Variants in CNBD1 observed in about 807,000 individuals in gnomAD.
The protein encoded by CNBD1 is cyclic nucleotide-binding domain-containing protein 1.
CNBD1 carries 71 observed loss-of-function variants against 54.4 expected under a neutral mutation model. The ratio of observed to expected loss-of-function variants is 1.30; its 90% CI spans 1.08 to 1.59. CNBD1 has a LOEUF of 1.59. Ranked by LOEUF, CNBD1 falls within the 40% of genes most tolerant of loss-of-function variation. The probability of loss-of-function intolerance (pLI) is 0.00; values close to 1 mark genes in which losing one functional copy is unlikely to be tolerated. For synonymous variants in CNBD1, 182 were observed against 170.7 expected (o/e 1.07, Z -0.51); for missense variants, 659 against 518.0 (o/e 1.27, Z -2.64).
chr8:87,169,009 A>G (rs1440836526), intron 4 of CNBD1, among the ~76,000 whole-genome samples: 1 of 151,482 alleles, frequency 6.6e-6, no homozygotes, highest in Admixed American at 6.6e-5. Context: ...TCTCCAAACC[A>G]CTCTCCATAG....
chr8:86,998,762 A>G (rs1235565350), intron 4 of CNBD1, among the ~76,000 whole-genome samples: 1 of 152,166 alleles, frequency 6.6e-6, no homozygotes, highest in Non-Finnish European at 1.5e-5. Flanking sequence ...GAATTGCTCA[A>G]CCCTGAAACA....
chr8:87,261,982 CAA>C (rs71277922), intron 6 of CNBD1, among the ~76,000 whole-genome samples: 5 of 128,562 alleles, frequency 3.9e-5, no homozygotes, highest in African/African-American at 9.2e-5. Flanking sequence ...TCTGTCTTTA[CAA>C]AAAAAAAAAA....
intron 4 of CNBD1, among the ~76,000 whole-genome samples, chr8:87,046,042 T>TAAAAA (rs58214390): frequency 8.4e-5 from 6 of 71,632 alleles, no homozygotes; most frequent in African/African-American, 2.7e-4. Flanking sequence ...CTTCCTCTCA[T>TAAAAA]AAAAAAAAAA....
chr8:87,333,145 G>A (rs1026605561), intron 8 of CNBD1, among the ~76,000 whole-genome samples: 1 of 152,094 alleles, frequency 6.6e-6, no homozygotes, highest in Non-Finnish European at 1.5e-5. Context: ...TTGTGAATGG[G>A]AGTTCATTCA....
intron 4 of CNBD1, among the ~76,000 whole-genome samples, chr8:86,979,660 T>C (rs1808427745): frequency 6.6e-6 from 1 of 152,110 alleles, no homozygotes; most frequent in Non-Finnish European, 1.5e-5. Flanking sequence ...TCTGGATAAA[T>C]AAATATTACA....
chr8:87,399,479 C>A (rs542241061), intron 2 of CNBD1, among the ~76,000 whole-genome samples: 1 of 152,090 alleles, frequency 6.6e-6, no homozygotes, highest in East Asian at 1.9e-4. Context: ...ATTTTAAGAG[C>A]TTTGCCTCTG....
At chr8:86,984,983 G>C (rs940313049) in intron 4 of CNBD1, among the ~76,000 whole-genome samples, 2 of 152,260 alleles carry the variant, frequency 1.3e-5, no homozygotes, top group East Asian at 1.9e-4. Flanking sequence ...TGGTTTGGCT[G>C]TGTCCCCATC....
intron 4 of CNBD1, among the ~76,000 whole-genome samples, chr8:87,084,500 T>C (rs978327819): frequency 6.6e-6 from 1 of 152,172 alleles, no homozygotes; most frequent in African/African-American, 2.4e-5. Context: ...ACTTGAAATA[T>C]GTCATCCCAT....
At chr8:87,248,087 C>G (rs1807843764) in intron 6 of CNBD1, among the ~76,000 whole-genome samples, 1 of 152,050 alleles carries the variant, frequency 6.6e-6, no homozygotes, top group Admixed American at 6.6e-5. Context: ...GTTGGTTGGC[C>G]AAAAAATTGC....
intron 7 of CNBD1, among the ~76,000 whole-genome samples, chr8:87,285,579 A>G (rs1808679062): frequency 6.6e-6 from 1 of 152,156 alleles, no homozygotes; most frequent in African/African-American, 2.4e-5. Context: ...TCTACTAAAA[A>G]GACAAAATTA....
intron 4 of CNBD1, among the ~76,000 whole-genome samples, chr8:87,076,857 A>T (rs1416376430): frequency 2.0e-5 from 3 of 152,262 alleles, no homozygotes; most frequent in Non-Finnish European, 2.9e-5. Flanking sequence ...AAGGACAAGC[A>T]TTCATGATAA....
intron 10 of CNBD1, among the ~76,000 whole-genome samples, chr8:87,377,431 T>C (rs201963472): frequency 5.9e-5 from 9 of 151,754 alleles, no homozygotes; most frequent in South Asian, 4.1e-4. Flanking sequence ...CGATAGTTTA[T>C]TGAGAATGAT....
At chr8:87,330,767 T>G (rs1809809159) in intron 8 of CNBD1, among the ~76,000 whole-genome samples, 1 of 152,304 alleles carries the variant, frequency 6.6e-6, no homozygotes, top group South Asian at 2.1e-4. Context: ...TGTTAATGGA[T>G]TAAGTAGATT....
At chr8:87,171,738 A>G (rs915121156) in intron 4 of CNBD1, among the ~76,000 whole-genome samples, 5 of 151,796 alleles carry the variant, frequency 3.3e-5, no homozygotes, top group Admixed American at 6.6e-5. Flanking sequence ...TCCTGGGTTC[A>G]AGCAATTCTC....
At chr8:87,266,633 A>G (rs1003565348) in intron 6 of CNBD1, among the ~76,000 whole-genome samples, 2 of 151,412 alleles carry the variant, frequency 1.3e-5, no homozygotes, top group Non-Finnish European at 1.5e-5. Flanking sequence ...TATTTTTAGT[A>G]GAGAAGGGGT....
At position 87,154,329 on chromosome 8, in the gene CNBD1, A is replaced by G. The variant is rs1340057968; in HGVS notation, c.432-51664A>G. 2.6e-5 allele frequency among the ~76,000 whole-genome samples: 4 copies of G among 152,330 alleles called. 1 individual carries two copies. The highest frequency in any genetic ancestry group is 4.1e-4 in the South Asian group (2 of 4,834). ...AGGAGGAAGGTCTAGAGCCTGAGAA[A>G]GACTTAAGAGGTGATTCTTGGGTTG... On this transcript the variant is annotated intron_variant, in intron 4 of 10. Transcript: ENST00000518476.
At chr8:87,044,240 C>T in intron 4 of CNBD1, among the ~76,000 whole-genome samples, 1 of 150,502 alleles carries the variant, frequency 6.6e-6, no homozygotes, top group African/African-American at 2.4e-5. Flanking sequence ...TGCAAAAGTG[C>T]ATTATTTTTG....
intron 4 of CNBD1, among the ~76,000 whole-genome samples, chr8:87,131,904 T>C (rs1812125086): frequency 6.6e-6 from 1 of 152,080 alleles, no homozygotes; most frequent in South Asian, 2.1e-4. Context: ...ATAGTGTTAG[T>C]CTGCTGAGGA....
intron 4 of CNBD1, among the ~76,000 whole-genome samples, chr8:87,190,842 T>C (rs1813586018): frequency 6.6e-6 from 1 of 150,846 alleles, no homozygotes; most frequent in African/African-American, 2.4e-5. Context: ...CATATGTAGA[T>C]ATAGATACAT....
Sources: gnomAD v4.1 joint callset for allele counts (sites outside exome capture counted in the v4.1 genomes callset) on GRCh38, gnomAD v4.1.1 for gene constraint, MANE v1.5 for transcripts, NCBI Gene and HGNC (gene_info 2026-07-23, HGNC 2026-07-21) for gene names.